TMEM182: variants seen among roughly 807,000 people sequenced by gnomAD.
TMEM182 encodes the protein transmembrane protein 182.
Under a neutral mutation model 26.8 loss-of-function variants are expected in TMEM182, and 20 were observed. The observed-to-expected ratio is 0.75, with a 90% confidence interval of 0.53 to 1.09. The LOEUF (loss-of-function observed/expected upper bound fraction) is 1.09. TMEM182 is among the 50% of genes least tolerant of loss of function. TMEM182 has a pLI of 0.00. For synonymous variants in TMEM182, 109 were observed against 102.2 expected, an observed-to-expected ratio of 1.07 and a Z score of -0.40; for missense variants, 277 against 275.5, an observed-to-expected ratio of 1.01 and a Z score of -0.04.
At chr2:102,747,933 A>G (rs1025058523) in intron 1 of TMEM182, among the ~76,000 whole-genome samples, 2 of 152,212 alleles carry the variant, frequency 1.3e-5, no homozygotes, top group East Asian at 1.9e-4. Context: ...CCTCAGTGAT[A>G]TAAGACAGAA....
intron 1 of TMEM182, among the ~76,000 whole-genome samples, chr2:102,739,646 T>A (rs966210629): frequency 6.6e-6 from 1 of 152,184 alleles, no homozygotes; most frequent in Non-Finnish European, 1.5e-5. Context: ...TAGCTCCTCC[T>A]TTGCTTCCAC....
chr2:102,798,097 A>G (rs1186579040), intron 4 of TMEM182, 97 bp downstream of exon 4: 6 of 1,425,972 alleles, frequency 4.2e-6, no homozygotes, highest in Non-Finnish European at 4.7e-6. Context: ...TTCTAGTAAC[A>G]GTAACACAAT....
intron 3 of TMEM182, among the ~76,000 whole-genome samples, chr2:102,779,397 T>C (rs1183552723): frequency 2.0e-5 from 3 of 152,206 alleles, no homozygotes; most frequent in Non-Finnish European, 2.9e-5. Flanking sequence ...AGTCATTATT[T>C]CCTTGAATAC....
chr2:102,737,124 C>T (rs1308882630), intron 1 of TMEM182: 2 of 327,452 alleles, frequency 6.1e-6, no homozygotes, highest in Non-Finnish European at 1.1e-5. Context: ...TTGAGCTTCA[C>T]TTCCTCCTAT....
At chr2:102,764,308 T>C (rs1220138047) in intron 2 of TMEM182, 21 bp from the exon 3 acceptor site, 1 of 1,611,224 alleles carries the variant, frequency 6.2e-7, no homozygotes, top group African/African-American at 1.3e-5. Flanking sequence ...ACAAGTGCCA[T>C]TGTTTTGCTG....
intron 4 of TMEM182, among the ~76,000 whole-genome samples, chr2:102,811,552 G>A (rs543413286): frequency 2.6e-5 from 4 of 152,088 alleles, no homozygotes; most frequent in Non-Finnish European, 5.9e-5. Flanking sequence ...TTAAGTGATT[G>A]TCAAATGGTG....
chr2:102,831,227 T>C (rs1395298651), intron 3 of TMEM182, among the ~76,000 whole-genome samples: 1 of 152,226 alleles, frequency 6.6e-6, no homozygotes, highest in African/African-American at 2.4e-5. Flanking sequence ...CACCCAGCAG[T>C]GGGATTGCTG....
At chr2:102,772,635 C>T (rs1418224683) in intron 3 of TMEM182, among the ~76,000 whole-genome samples, 2 of 152,112 alleles carry the variant, frequency 1.3e-5, no homozygotes, top group Admixed American at 6.5e-5. Context: ...GCTGGGCTTC[C>T]GGTCTGCCTT....
chr2:102,812,840 AT>A (rs1326805978), intron 4 of TMEM182, among the ~76,000 whole-genome samples: 1 of 152,256 alleles, frequency 6.6e-6, no homozygotes, highest in Non-Finnish European at 1.5e-5. Context: ...GGCAAATGAT[AT>A]TATGCAAATG....
chr2:102,813,813 T>A (rs1485192540), intron 4 of TMEM182, among the ~76,000 whole-genome samples: 3 of 152,150 alleles, frequency 2.0e-5, no homozygotes, highest in Non-Finnish European at 4.4e-5. Context: ...TTGGAACCAG[T>A]GGATTACAGT....
chr2:102,753,451 T>A (rs1220790354), intron 1 of TMEM182, among the ~76,000 whole-genome samples: 1 of 152,218 alleles, frequency 6.6e-6, no homozygotes, highest in Non-Finnish European at 1.5e-5. Context: ...GGGGTCTAGA[T>A]GCTTAGATGA....
In TMEM182 at chr2:102,815,894, G is replaced by T; in HGVS notation, c.*926G>T. 1 of 940,478 alleles carries T rather than the reference G, an allele frequency of 1.1e-6. No homozygotes were observed. Among genetic ancestry groups the T allele is most frequent in the Non-Finnish European group, 1.3e-6 (1 of 789,480 alleles). The allele number at this position is 940,478 out of a possible 1,614,324, so 58.3% of individuals were successfully genotyped here. On this transcript the variant is annotated 3_prime_UTR_variant, in exon 5 of 5. Coordinates refer to ENST00000412401, the MANE Select transcript of TMEM182 (RefSeq NM_144632.5). ...AAACTTTCAACGTACTTCCATATGAGGATTATAATAGCCCTGCTTTATTAA... is the reference window on the plus strand; with the variant it reads ...AAACTTTCAACGTACTTCCATATGATGATTATAATAGCCCTGCTTTATTAA...
intron 3 of TMEM182, among the ~76,000 whole-genome samples, chr2:102,843,118 C>G (rs771075131): frequency 2.6e-5 from 4 of 152,164 alleles, no homozygotes; most frequent in Non-Finnish European, 5.9e-5. Context: ...CATGGCTCCC[C>G]GATGTGTGCC....
chr2:102,780,899 T>C (rs1573526410), intron 3 of TMEM182, among the ~76,000 whole-genome samples: 2 of 152,206 alleles, frequency 1.3e-5, no homozygotes, highest in South Asian at 4.1e-4. Flanking sequence ...TGGATGGGCA[T>C]TTTGTTTGTT....
At chr2:102,763,135 T>TA (rs199798953) in intron 2 of TMEM182, among the ~76,000 whole-genome samples, 1,593 of 151,776 alleles carry the variant, frequency 0.01, 35 homozygotes, top group African/African-American at 0.037. Context: ...ATATTTTTTT[T>TA]AAAAAAATCA....
downstream of TMEM182, among the ~76,000 whole-genome samples, chr2:102,821,786 A>G (rs1682920659): frequency 6.6e-6 from 1 of 152,108 alleles, no homozygotes; most frequent in African/African-American, 2.4e-5. Context: ...CAGGAGATCG[A>G]GACCACCCTG....
Position 102,816,657 on chromosome 2 carries a change from T to G in TMEM182, c.*1689T>G. On this transcript the variant is annotated 3_prime_UTR_variant, in exon 5 of 5. Transcript: ENST00000412401. ...TGTTTCATTTTTATATTGCTTCATTTACTTCTTTGCTTTTGGCTTTGTTAT... is the reference window on the plus strand; with the variant it reads ...TGTTTCATTTTTATATTGCTTCATTGACTTCTTTGCTTTTGGCTTTGTTAT... 1 of 985,760 alleles carries G rather than the reference T, an allele frequency of 1.0e-6. No individual in the cohort carries two copies. The highest frequency in any genetic ancestry group is 1.2e-6 in the Non-Finnish European group (1 of 829,898). The allele number at this position is 985,760 out of a possible 1,614,324, so 61.1% of individuals were successfully genotyped here.
At chr2:102,820,848 A>C (rs936128029), downstream of TMEM182, among the ~76,000 whole-genome samples, 4 of 152,320 alleles carry the variant, frequency 2.6e-5, no homozygotes, top group African/African-American at 9.6e-5. Context: ...AATTAGATAG[A>C]GGTTGAGGAC....
chr2:102,788,635 C>G (rs1208737702), intron 3 of TMEM182, among the ~76,000 whole-genome samples: 2 of 152,004 alleles, frequency 1.3e-5, no homozygotes, highest in African/African-American at 4.8e-5. Context: ...TTAGAAGGAG[C>G]AAGTGAGATA....
Sources: gnomAD v4.1 joint callset for allele counts (sites outside exome capture counted in the v4.1 genomes callset) on GRCh38, gnomAD v4.1.1 for gene constraint, MANE v1.5 for transcripts, NCBI Gene and HGNC (gene_info 2026-07-23, HGNC 2026-07-21) for gene names.